Variants in PPHLN1 observed in about 807,000 individuals in gnomAD.
PPHLN1 encodes the protein periphilin 1.
Under a neutral mutation model 51.3 loss-of-function variants are expected in PPHLN1, and 29 were observed. That is an observed-to-expected ratio of 0.57 (90% CI 0.42 to 0.77). PPHLN1 has a LOEUF of 0.77. Among genes scored for constraint, PPHLN1 ranks in the 30% least tolerant of loss-of-function variants. The pLI is 0.00. For missense variants in PPHLN1, 436 were observed against 438.4 expected (o/e 0.99, Z 0.05); for synonymous variants, 147 against 147.8 (o/e 0.99, Z 0.04).
chr12:42,446,746 C>A (rs77152451), downstream of PPHLN1: 54 of 1,238,470 alleles, frequency 4.4e-5, no homozygotes, highest in East Asian at 1.4e-3. Flanking sequence ...TAAGGAAAGA[C>A]GCAATTGGAA....
chr12:42,429,812 C>T (rs370974883), intron 9 of PPHLN1, among the ~76,000 whole-genome samples: 2 of 152,294 alleles, frequency 1.3e-5, no homozygotes, highest in East Asian at 3.9e-4. Context: ...AGCTCATCCT[C>T]CAGGGTCAAA....
chr12:42,432,155 A>G (rs1174601701), intron 9 of PPHLN1: 6 of 942,524 alleles, frequency 6.4e-6, no homozygotes, highest in African/African-American at 3.2e-5. Context: ...TGTCTCGATC[A>G]TCTTCTTCAA....
intron 7 of PPHLN1, among the ~76,000 whole-genome samples, chr12:42,388,007 A>C (rs1341073038): frequency 1.3e-5 from 2 of 152,232 alleles, no homozygotes; most frequent in Non-Finnish European, 2.9e-5. Context: ...GGCACAATGC[A>C]CTGCGGAACG....
At chr12:42,403,841 C>G (rs548638424) in intron 9 of PPHLN1, among the ~76,000 whole-genome samples, 25 of 152,302 alleles carry the variant, frequency 1.6e-4, no homozygotes, top group African/African-American at 5.5e-4. Context: ...ACCTCTTCTC[C>G]TCATCCACTC....
chr12:42,384,886 C>A, intron 5 of PPHLN1, 54 bp from the exon 6 acceptor site: 1 of 1,499,436 alleles, frequency 6.7e-7, no homozygotes, highest in South Asian at 1.1e-5. Context: ...TTCTCTTGTT[C>A]CTCTTGGGCA....
chr12:42,422,105 A>G (rs1252663547), intron 9 of PPHLN1, among the ~76,000 whole-genome samples: 1 of 152,196 alleles, frequency 6.6e-6, no homozygotes, highest in Non-Finnish European at 1.5e-5. Flanking sequence ...TGGTACCTCT[A>G]AAGGCATGTA....
Position 42,441,859 on chromosome 12 carries a change from G to T in PPHLN1, c.*350G>T. 1 of 1,013,074 alleles carries T rather than the reference G, an allele frequency of 9.9e-7. No homozygotes were observed. Among genetic ancestry groups the T allele is most frequent in the Non-Finnish European group, 1.2e-6 (1 of 848,834 alleles). The allele number at this position is 1,013,074 out of a possible 1,614,324, so 62.8% of individuals were successfully genotyped here. On this transcript the variant is annotated 3_prime_UTR_variant, in exon 10 of 10. Coordinates refer to ENST00000358314, the MANE Select transcript of PPHLN1 (RefSeq NM_201439.2). ...TCTGAAAATGTTAGAATTCTGAGTTGTGATTTTATTGACTTGTTGCTTGCT... is the reference window on the plus strand; with the variant it reads ...TCTGAAAATGTTAGAATTCTGAGTTTTGATTTTATTGACTTGTTGCTTGCT...
chr12:42,431,534 T>C, intron 9 of PPHLN1: 1 of 564,210 alleles, frequency 1.8e-6, no homozygotes, highest in Non-Finnish European at 3.2e-6. Flanking sequence ...TCCCTCCCCT[T>C]TTTGAATTCC....
intron 9 of PPHLN1, chr12:42,433,060 AT>A (rs530484744): frequency 7.0e-4 from 596 of 851,826 alleles, no homozygotes; most frequent in African/African-American, 2.2e-3. Context: ...TAAAGACGGT[AT>A]TTTTTTTTGA....
chr12:42,387,299 G>A, intron 6 of PPHLN1, 157 bp from the exon 7 acceptor site: 4 of 716,186 alleles, frequency 5.6e-6, no homozygotes, highest in Non-Finnish European at 4.2e-6. Context: ...GCCTCTGAGA[G>A]GTAGTTTTAG....
rs765931875 is a variant in PPHLN1 at position 42,374,620 on chromosome 12, T to TA, written c.300-243_300-242insA. ...CACGCCCAGCTAATTTTTTTTTTTT[T>TA]TTTTTTTGTATTTTTAGTAGAGATG... On this transcript the variant is annotated intron_variant, in intron 4 of 9. Transcript: ENST00000358314. 5.8e-5 allele frequency: 14 copies of TA among 243,188 alleles called. No homozygotes were observed. In the East Asian group the frequency reaches 1.5e-3, roughly 25 times the overall value. 15.1% of individuals were successfully genotyped at this position (243,188 alleles called of 1,614,324 possible).
rs1008016419 is a variant in PPHLN1, at chr12:42,337,883, A to G, written c.72+1909A>G. 2.6e-5 allele frequency among the ~76,000 whole-genome samples: 4 copies of G among 151,952 alleles called. No individual in the cohort carries two copies. In the East Asian group the frequency reaches 7.8e-4, roughly 29 times the overall value. On this transcript the variant is annotated intron_variant, in intron 2 of 9. Transcript: ENST00000358314. ...ACTGCAACCTCTGTGTCCTGGATTC[A>G]AGCGATTCTCCTGCCTCAGCCTCCT...
chr12:42,336,388 AAG>A (rs67659198), intron 2 of PPHLN1, among the ~76,000 whole-genome samples: 24,723 of 152,128 alleles, frequency 0.16, 2,059 homozygotes, highest in Admixed American at 0.2. Context: ...CTTTCATTCT[AAG>A]AGAGGAGAAC....
At position 42,364,813 on chromosome 12, in the gene PPHLN1, C is replaced by T. The variant is rs375289911; in HGVS notation, c.299+9591C>T. Among the ~76,000 whole-genome samples the T allele has an allele frequency of 1.8e-4, 27 of 152,196 alleles. 1 individual carries two copies. The highest frequency in any genetic ancestry group is 5.9e-4 in the Admixed American group (9 of 15,290). ...GCATGCTCCTGTAATCCCAGCTGCT[C>T]GGAAGGCTGAGGCACGAGAATCACT... On this transcript the variant is annotated intron_variant, in intron 4 of 9. Coordinates refer to ENST00000358314, the MANE Select transcript of PPHLN1 (RefSeq NM_201439.2).
intron 9 of PPHLN1, among the ~76,000 whole-genome samples, chr12:42,407,110 A>G (rs2079384003): frequency 6.6e-6 from 1 of 152,140 alleles, no homozygotes; most frequent in Non-Finnish European, 1.5e-5. Flanking sequence ...ATAAGTCTTG[A>G]TATATGTAGA....
In PPHLN1 at chr12:42,432,084, C is replaced by T. The variant is rs1425103601; in HGVS notation, c.910-9231C>T. 6.4e-6 allele frequency: 10 copies of T among 1,563,820 alleles called. No individual in the cohort carries two copies. In the East Asian group the frequency reaches 1.3e-4, roughly 21 times the overall value. On this transcript the variant is annotated intron_variant, in intron 9 of 9. Transcript: ENST00000358314. ...ACCACGTGGTCCACCACGACCTCGA[C>T]CCCCTGAAACACTTCTGCATCTTCC...
intron 7 of PPHLN1, among the ~76,000 whole-genome samples, chr12:42,393,096 T>A (rs2077879015): frequency 6.6e-6 from 1 of 152,306 alleles, no homozygotes; most frequent in East Asian, 1.9e-4. Flanking sequence ...AATTTAAGTT[T>A]AAAAATTTTG....
intron 1 of PPHLN1, among the ~76,000 whole-genome samples, chr12:42,335,116 A>G (rs911872972): frequency 3.3e-5 from 5 of 151,626 alleles, no homozygotes; most frequent in African/African-American, 1.2e-4. Flanking sequence ...TTCAGTTTCT[A>G]TTTTCATCTC....
intron 8 of PPHLN1, 169 bp from the exon 9 acceptor site, chr12:42,398,685 C>A: frequency 2.1e-6 from 1 of 478,784 alleles, no homozygotes; most frequent in Non-Finnish European, 3.5e-6. Flanking sequence ...TTCTTTAATC[C>A]ATTTCACATA....
Sources: allele counts gnomAD v4.1 joint callset (sites outside exome capture counted in the v4.1 genomes callset), GRCh38; gene constraint gnomAD v4.1.1; transcripts MANE v1.5; gene names NCBI Gene and HGNC (gene_info 2026-07-23, HGNC 2026-07-21).